TCF12: variants seen among roughly 807,000 people sequenced by gnomAD.
TCF12 encodes the protein DNA-binding protein HTF4.
Under a neutral mutation model 86.0 loss-of-function variants are expected in TCF12, and 45 were observed. That is an observed-to-expected ratio of 0.52 (90% CI 0.41 to 0.67). The LOEUF (loss-of-function observed/expected upper bound fraction) is 0.67. Among genes scored for constraint, TCF12 ranks in the 30% least tolerant of loss-of-function variants. The pLI is 0.00. For missense variants in TCF12, 881 were observed against 859.9 expected (o/e 1.02, Z -0.31); for synonymous variants, 330 against 299.6 (o/e 1.10, Z -1.05).
chr15:57,131,433 G>T (rs1542508), intron 5 of TCF12, among the ~76,000 whole-genome samples: 1 of 152,110 alleles, frequency 6.6e-6, no homozygotes, highest in Non-Finnish European at 1.5e-5. Flanking sequence ...GGGTAACATT[G>T]TACCATTTTT....
At chr15:57,274,530 C>G (rs2061291875) in intron 19 of TCF12, among the ~76,000 whole-genome samples, 2 of 152,230 alleles carry the variant, frequency 1.3e-5, no homozygotes, top group Non-Finnish European at 2.9e-5. Context: ...ACCCACTCGC[C>G]TGTGGCAGAA....
intron 11 of TCF12, among the ~76,000 whole-genome samples, chr15:57,233,791 G>A (rs1349085259): frequency 2.6e-5 from 4 of 152,066 alleles, no homozygotes; most frequent in African/African-American, 7.2e-5. Flanking sequence ...CCCCTCTTTC[G>A]ATATATTTTT....
At chr15:57,230,849 T>C (rs1284527191) in intron 8 of TCF12, among the ~76,000 whole-genome samples, 1 of 152,048 alleles carries the variant, frequency 6.6e-6, no homozygotes, top group Non-Finnish European at 1.5e-5. Context: ...GTGAGGTTTG[T>C]GTTTGGTAAG....
intron 4 of TCF12, among the ~76,000 whole-genome samples, chr15:57,066,559 C>G (rs1003991758): frequency 7.2e-5 from 11 of 151,956 alleles, no homozygotes; most frequent in Admixed American, 4.6e-4. Context: ...AGTAACATCA[C>G]TAAATAGAAA....
At chr15:57,173,997 C>A (rs1173181826) in intron 6 of TCF12, among the ~76,000 whole-genome samples, 1 of 152,180 alleles carries the variant, frequency 6.6e-6, no homozygotes, top group Non-Finnish European at 1.5e-5. Flanking sequence ...TGAGCCACTG[C>A]ACCCGGCCTG....
At chr15:57,142,488 C>T (rs1446079057) in intron 5 of TCF12, among the ~76,000 whole-genome samples, 1 of 28,872 alleles carries the variant, frequency 3.5e-5, no homozygotes, top group East Asian at 7.7e-4. Flanking sequence ...TAAAGGGGCT[C>T]CCACTGGCCA....
chr15:57,053,034 A>G (rs2067748402), intron 3 of TCF12, among the ~76,000 whole-genome samples: 2 of 152,174 alleles, frequency 1.3e-5, no homozygotes, highest in Non-Finnish European at 2.9e-5. Context: ...AGCAACCTCC[A>G]TACCATCTTC....
At chr15:57,197,345 G>C (rs1385767270) in intron 7 of TCF12, among the ~76,000 whole-genome samples, 2 of 151,670 alleles carry the variant, frequency 1.3e-5, no homozygotes, top group African/African-American at 4.8e-5. Context: ...TTTTAGTAGA[G>C]ATGGGTTTCA....
intron 3 of TCF12, among the ~76,000 whole-genome samples, chr15:56,964,794 A>G (rs1410355576): frequency 6.6e-6 from 1 of 152,216 alleles, no homozygotes; most frequent in Non-Finnish European, 1.5e-5. Context: ...CCTGGTAACA[A>G]CTAGTTGATT....
chr15:56,940,009 T>C (rs2060659669), intron 3 of TCF12, among the ~76,000 whole-genome samples: 1 of 144,892 alleles, frequency 6.9e-6, no homozygotes, highest in Non-Finnish European at 1.5e-5. Context: ...TATATAGCAC[T>C]TTTGGTCTTT....
chr15:56,920,085 G>A (rs1380917212), intron 2 of TCF12, 97 bp downstream of exon 2: 1 of 1,351,852 alleles, frequency 7.4e-7, no homozygotes, highest in Admixed American at 1.9e-5. Context: ...GAAGCAACGT[G>A]GAGACTAGGC....
chr15:57,114,643 C>T lies in TCF12; in HGVS notation c.325+22752C>T, dbSNP rs138931259. Among the ~76,000 whole-genome samples, 28 of 152,098 alleles carry T rather than the reference C, an allele frequency of 1.8e-4. No individual in the cohort carries two copies. In the East Asian group the frequency reaches 2.5e-3, roughly 14 times the overall value. On this transcript the variant is annotated intron_variant, in intron 5 of 20. Coordinates refer to ENST00000333725, the MANE Select transcript of TCF12 (RefSeq NM_207037.2). ...TTAAGATTTTAAGTGGAGGTAGTAG[C>T]GGGACAGGTAGGGTGGAAAGGGTTA...
intron 4 of TCF12, among the ~76,000 whole-genome samples, chr15:57,085,630 C>T (rs1050498255): frequency 2.0e-5 from 3 of 152,116 alleles, no homozygotes; most frequent in African/African-American, 2.4e-5. Context: ...GAAAGTATAG[C>T]GTTATTTATC....
At chr15:57,066,968 A>G (rs945509685) in intron 4 of TCF12, among the ~76,000 whole-genome samples, 3 of 152,216 alleles carry the variant, frequency 2.0e-5, no homozygotes, top group African/African-American at 7.2e-5. Context: ...ATTCTACTAT[A>G]GTAGCCTTGA....
intron 5 of TCF12, among the ~76,000 whole-genome samples, chr15:57,127,666 A>T (rs1191916931): frequency 3.3e-4 from 50 of 152,210 alleles, no homozygotes; most frequent in Admixed American, 2.6e-3. Flanking sequence ...AAAACTATTT[A>T]CCTAATAATT....
chr15:57,128,608 A>G (rs1323412271), intron 5 of TCF12, among the ~76,000 whole-genome samples: 1 of 152,204 alleles, frequency 6.6e-6, no homozygotes, highest in African/African-American at 2.4e-5. Flanking sequence ...TAGTATATTT[A>G]GAGTTGTGCA....
intron 7 of TCF12, among the ~76,000 whole-genome samples, chr15:57,193,841 A>G (rs115019937): frequency 2.6e-4 from 40 of 152,328 alleles, no homozygotes; most frequent in African/African-American, 9.1e-4. Flanking sequence ...ACTTCTCAGT[A>G]TCATGGATGA....
At chr15:57,075,782 CTTTCTTTCTT>C (rs1329311794) in intron 4 of TCF12, among the ~76,000 whole-genome samples, 23 of 52,868 alleles carry the variant, frequency 4.4e-4, no homozygotes, top group African/African-American at 1.7e-3. Context: ...TTCTTTCTTT[CTTTCTTTCTT>C]TCTTTCTTTC....
At chr15:57,133,559 C>T (rs567228903) in intron 5 of TCF12, among the ~76,000 whole-genome samples, 9 of 151,272 alleles carry the variant, frequency 5.9e-5, no homozygotes, top group Non-Finnish European at 8.8e-5. Flanking sequence ...GTTGCACCTG[C>T]GCCCCACCGA....
Sources: gnomAD v4.1 joint callset for allele counts (sites outside exome capture counted in the v4.1 genomes callset) on GRCh38, gnomAD v4.1.1 for gene constraint, MANE v1.5 for transcripts, NCBI Gene and HGNC (gene_info 2026-07-23, HGNC 2026-07-21) for gene names.